The following TDRD3 variants were observed in gnomAD, a reference collection of about 807,000 sequenced individuals.
TDRD3 encodes tudor domain-containing protein 3.
Under a neutral mutation model 86.7 loss-of-function variants are expected in TDRD3, and 45 were observed. The ratio of observed to expected loss-of-function variants is 0.52; its 90% CI spans 0.41 to 0.67. TDRD3 has a LOEUF of 0.67. Among genes scored for constraint, TDRD3 ranks in the 30% least tolerant of loss-of-function variants. The pLI is 0.00. For synonymous variants in TDRD3, 298 were observed against 301.7 expected (o/e 0.99, Z 0.13); for missense variants, 814 against 889.0 (o/e 0.92, Z 1.07).
At chr13:60,535,034 T>G (rs1595083556) in intron 11 of TDRD3, 74 bp from the exon 12 acceptor site, 2 of 1,556,432 alleles carry the variant, frequency 1.3e-6, no homozygotes, top group East Asian at 2.3e-5. Context: ...CTTTAAAAAT[T>G]TACATTTCCC....
At chr13:60,516,600 A>G (rs77336495) in intron 10 of TDRD3, among the ~76,000 whole-genome samples, 23,322 of 152,196 alleles carry the variant, frequency 0.15, 2,032 homozygotes, top group African/African-American at 0.23. Context: ...TGGGCAAGAT[A>G]TAGAACTATT....
upstream of TDRD3, among the ~76,000 whole-genome samples, chr13:60,395,976 T>A (rs1953889283): frequency 6.6e-6 from 1 of 152,178 alleles, no homozygotes. Context: ...ATTTTATAAC[T>A]ATGACTTTTG....
At chr13:60,553,264 T>G (rs1958107343) in intron 12 of TDRD3, among the ~76,000 whole-genome samples, 1 of 152,188 alleles carries the variant, frequency 6.6e-6, no homozygotes, top group South Asian at 2.1e-4. Context: ...GCTTTGCTGC[T>G]TAGAAATTTC....
At chr13:60,564,853 T>A (rs1413154331) in intron 12 of TDRD3, among the ~76,000 whole-genome samples, 2 of 152,078 alleles carry the variant, frequency 1.3e-5, no homozygotes, top group African/African-American at 4.8e-5. Context: ...TAAATCAAGC[T>A]GTGTGTTAAA....
intron 10 of TDRD3, among the ~76,000 whole-genome samples, chr13:60,512,986 G>T (rs1957091950): frequency 6.6e-6 from 1 of 152,178 alleles, no homozygotes; most frequent in East Asian, 1.9e-4. Context: ...TTTCCCTTCT[G>T]CACTGCCCTA....
chr13:60,561,813 A>G (rs1306914180), intron 12 of TDRD3, among the ~76,000 whole-genome samples: 1 of 151,984 alleles, frequency 6.6e-6, no homozygotes, highest in Non-Finnish European at 1.5e-5. Context: ...TCTTTACAAA[A>G]TCTTCCTGTT....
Position 60,529,039 on chromosome 13 carries a change from C to A in TDRD3, c.1814C>A (p.Pro605Gln). ...GGAAGACGAATAGGACCTATTAAGC[C>A]AGCAGGACCTGTCACAGCTGTACCC... ...LKGRRIGPIK[P>Q]AGPVTAVPCD... Residue 605 changes from proline (P) to glutamine (Q), a missense_variant, in exon 11 of 14, where the codon CCA becomes CAA. Transcript: ENST00000377881. 6.2e-7 allele frequency: 1 copy of A among 1,613,998 alleles called. No homozygotes were observed.
intron 2 of TDRD3, among the ~76,000 whole-genome samples, chr13:60,442,310 AAT>A (rs1955296243): frequency 1.3e-5 from 2 of 152,170 alleles, no homozygotes; most frequent in African/African-American, 2.4e-5. Context: ...GATTTTGTAT[AAT>A]ATAAAATGAT....
chr13:60,442,544 G>C (rs1955307062), intron 2 of TDRD3, among the ~76,000 whole-genome samples: 1 of 152,008 alleles, frequency 6.6e-6, no homozygotes, highest in Non-Finnish European at 1.5e-5. Flanking sequence ...TAGCAATCCT[G>C]ATACAATGGC....
chr13:60,570,976 A>G (rs751966698), intron 13 of TDRD3, among the ~76,000 whole-genome samples: 3 of 152,280 alleles, frequency 2.0e-5, no homozygotes, highest in African/African-American at 4.8e-5. Context: ...AAACATCACA[A>G]TTTTGGTGGT....
chr13:60,500,342 C>G (rs1956805587), intron 8 of TDRD3, among the ~76,000 whole-genome samples: 2 of 152,170 alleles, frequency 1.3e-5, no homozygotes, highest in South Asian at 4.1e-4. Flanking sequence ...AAGTAAGTTA[C>G]ATGAGGAAGT....
At chr13:60,454,396 A>AT (rs1338086351) in intron 3 of TDRD3, among the ~76,000 whole-genome samples, 11 of 151,742 alleles carry the variant, frequency 7.2e-5, no homozygotes, top group East Asian at 5.8e-4. Flanking sequence ...TTTTTTAATA[A>AT]TTTTTTTTAA....
chr13:60,441,998 A>G (rs1218251526), intron 2 of TDRD3, among the ~76,000 whole-genome samples: 8 of 152,198 alleles, frequency 5.3e-5, no homozygotes, highest in Admixed American at 3.3e-4. Flanking sequence ...TCCAAGTGCA[A>G]AGTCCCTAGC....
intron 1 of TDRD3, among the ~76,000 whole-genome samples, chr13:60,406,000 G>A (rs1477467955): frequency 6.6e-6 from 1 of 152,186 alleles, no homozygotes; most frequent in African/African-American, 2.4e-5. Context: ...TTTTGGACTT[G>A]TATCCTCAAA....
intron 7 of TDRD3, among the ~76,000 whole-genome samples, chr13:60,486,166 T>G (rs1956431166): frequency 1.3e-5 from 2 of 152,192 alleles, no homozygotes; most frequent in South Asian, 2.1e-4. Flanking sequence ...GTAGTTCCAG[T>G]AAGTTACTCT....
chr13:60,510,798 CTTTCTTTTT>C, intron 10 of TDRD3, 43 bp downstream of exon 10: 1 of 1,303,050 alleles, frequency 7.7e-7, no homozygotes, highest in East Asian at 2.9e-5. Flanking sequence ...TCTTTCTTTT[CTTTCTTTTT>C]TTTTTTTTTT....
chr13:60,398,433 C>T (rs1954002942), intron 1 of TDRD3, among the ~76,000 whole-genome samples: 1 of 152,216 alleles, frequency 6.6e-6, no homozygotes, highest in Non-Finnish European at 1.5e-5. Context: ...CTTTCTAGCA[C>T]AGAGCTGCTG....
At chr13:60,434,862 C>G (rs999595393) in intron 1 of TDRD3, among the ~76,000 whole-genome samples, 1 of 152,080 alleles carries the variant, frequency 6.6e-6, no homozygotes, top group African/African-American at 2.4e-5. Flanking sequence ...GCACAGGGAC[C>G]GTAACTGGAG....
intron 8 of TDRD3, among the ~76,000 whole-genome samples, chr13:60,502,644 A>T (rs1394104610): frequency 6.6e-6 from 1 of 152,054 alleles, no homozygotes. Flanking sequence ...GAGTTGGGTG[A>T]TCTTCTCCTC....
Sources: allele counts gnomAD v4.1 joint callset (sites outside exome capture counted in the v4.1 genomes callset), GRCh38; gene constraint gnomAD v4.1.1; transcripts MANE v1.5; gene names NCBI Gene and HGNC (gene_info 2026-07-23, HGNC 2026-07-21).